Variants in KLHL15 observed in about 807,000 individuals in gnomAD.
KLHL15 encodes kelch-like protein 15.
In KLHL15, 1 loss-of-function variant was observed where a neutral mutation model predicts 29.3. The observed-to-expected ratio is 0.03, with a 90% CI of 0.01 to 0.16. KLHL15 has a LOEUF of 0.16. Among genes scored for constraint, KLHL15 ranks in the 10% least tolerant of loss-of-function variants. The pLI is 1.00. For missense variants in KLHL15, 215 were observed against 478.5 expected, an observed-to-expected ratio of 0.45 and a Z score of 5.14; for synonymous variants, 212 against 184.5, an observed-to-expected ratio of 1.15 and a Z score of -1.21.
intron 2 of KLHL15, among the ~76,000 whole-genome samples, chrX:24,018,539 G>A (rs1216157157): frequency 9.1e-6 from 1 of 109,537 alleles, no homozygotes; most frequent in African/African-American, 3.3e-5. Flanking sequence ...TCATAAACTT[G>A]GTACTGACTA....
chrX:24,002,736 C>T lies in KLHL15; in HGVS notation c.705+3253G>A, dbSNP rs1248656181. On this transcript the variant is annotated intron_variant, in intron 3 of 3. Transcript: ENST00000328046. ...TCGACCTCCTGGGCTCAAGCAATCCCTCCCACCTCAAACTCCCCAGTAGCT... is the reference window on the plus strand; with the variant it reads ...TCGACCTCCTGGGCTCAAGCAATCCTTCCCACCTCAAACTCCCCAGTAGCT... Among the ~76,000 whole-genome samples, 6 of 110,420 alleles carry T rather than the reference C, an allele frequency of 5.4e-5. No individual in the cohort carries two copies. In the Admixed American group the frequency reaches 5.8e-4, roughly 11 times the overall value.
At chrX:24,017,739 C>T (rs991025429) in intron 2 of KLHL15, among the ~76,000 whole-genome samples, 3 of 98,233 alleles carry the variant, frequency 3.1e-5, no homozygotes, top group Non-Finnish European at 6.0e-5. Flanking sequence ...TATAATCCAC[C>T]ACTGAACTTC....
intron 2 of KLHL15, among the ~76,000 whole-genome samples, chrX:24,023,807 T>C (rs1298290386): frequency 8.9e-6 from 1 of 112,353 alleles, no homozygotes; most frequent in East Asian, 2.8e-4. Context: ...CATTAAGTGC[T>C]AAAAAGTTGA....
At position 24,020,319 on chromosome X, in the gene KLHL15, T is replaced by C. The variant is rs749828629; in HGVS notation, c.-8+4538A>G. 2.7e-5 allele frequency among the ~76,000 whole-genome samples: 3 copies of C among 112,589 alleles called. No individual in the cohort carries two copies. The East Asian group carries it at 8.3e-4, about 31-fold the overall frequency. On this transcript the variant is annotated intron_variant, in intron 2 of 3. Transcript: ENST00000328046. ...AATTTAAAGACAGACTTTTAAGCTC[T>C]ATTAGCGGTCACTTTACTCTCAATA...
intron 3 of KLHL15, among the ~76,000 whole-genome samples, chrX:23,991,073 C>G (rs2147096953): frequency 9.1e-6 from 1 of 110,179 alleles, no homozygotes; most frequent in South Asian, 3.9e-4. Flanking sequence ...CTAACATTGG[C>G]CAGGCACGGT....
At chrX:23,990,713 G>T (rs1929064615) in intron 3 of KLHL15, among the ~76,000 whole-genome samples, 1 of 110,529 alleles carries the variant, frequency 9.0e-6, no homozygotes, top group Non-Finnish European at 1.9e-5. Flanking sequence ...TTGGAAATCT[G>T]GGATGACAGT....
At chrX:24,000,012 C>A (rs756156555) in intron 3 of KLHL15, among the ~76,000 whole-genome samples, 3 of 111,826 alleles carry the variant, frequency 2.7e-5, no homozygotes, top group Non-Finnish European at 3.8e-5. Context: ...TAACAGAAAA[C>A]CTGCTCATCT....
chrX:24,011,969 C>T (rs947890582), intron 2 of KLHL15, among the ~76,000 whole-genome samples: 24 of 111,957 alleles, frequency 2.1e-4, no homozygotes, highest in African/African-American at 6.5e-4. Flanking sequence ...GCCAACATGG[C>T]AAAACCTTGT....
chrX:23,995,263 C>T (rs749269729), intron 3 of KLHL15, among the ~76,000 whole-genome samples: 63 of 109,970 alleles, frequency 5.7e-4, no homozygotes, highest in Non-Finnish European at 1.1e-3. Context: ...AAAAATTATC[C>T]GGGCATGTTG....
intron 3 of KLHL15, among the ~76,000 whole-genome samples, chrX:24,001,848 T>C (rs1929327737): frequency 2.8e-5 from 2 of 72,007 alleles, no homozygotes; most frequent in African/African-American, 1.0e-4. Flanking sequence ...AAAATATATA[T>C]ATAGGTCGGG....
intron 3 of KLHL15, among the ~76,000 whole-genome samples, chrX:23,990,764 T>C (rs1291966654): frequency 3.6e-5 from 4 of 110,405 alleles, no homozygotes; most frequent in Non-Finnish European, 7.6e-5. Context: ...ATTTATGAGC[T>C]TCCTCCCCCC....
chrX:24,018,471 C>G (rs1300435348), intron 2 of KLHL15, among the ~76,000 whole-genome samples: 7 of 109,184 alleles, frequency 6.4e-5, no homozygotes, highest in Non-Finnish European at 1.3e-4. Context: ...CCAATTAGAC[C>G]AAATGACAAG....
At chrX:24,014,220 C>A (rs1311357014) in intron 2 of KLHL15, among the ~76,000 whole-genome samples, 1 of 111,678 alleles carries the variant, frequency 9.0e-6, no homozygotes, top group Admixed American at 9.6e-5. Flanking sequence ...CCAGCCTGGG[C>A]AGTAGAACAA....
At chrX:24,017,368 C>A (rs12843894) in intron 2 of KLHL15, among the ~76,000 whole-genome samples, 4 of 110,783 alleles carry the variant, frequency 3.6e-5, no homozygotes, top group Non-Finnish European at 7.6e-5. Context: ...TACTAATAAT[C>A]ATCATCATCT....
At chrX:24,007,502 A>C (rs1184596532) in intron 2 of KLHL15, among the ~76,000 whole-genome samples, 1 of 55,344 alleles carries the variant, frequency 1.8e-5, no homozygotes, top group Non-Finnish European at 2.9e-5. Context: ...AAAAAAAAAA[A>C]AAAAAAATAT....
rs752248981 is a variant in KLHL15 at position 24,015,936 on chromosome X, T to G, written c.-8+8921A>C. On this transcript the variant is annotated intron_variant, in intron 2 of 3. Coordinates refer to ENST00000328046, the MANE Select transcript of KLHL15 (RefSeq NM_030624.3). ...ATCGCTTGAACCTGGGAGGCGGAGG[T>G]TGCAGTAAGCCGAGATCGGGCCGCT... is the stretch of plus-strand genomic sequence containing the variant. 2.7e-5 allele frequency among the ~76,000 whole-genome samples: 3 copies of G among 109,780 alleles called. No homozygotes were observed. In the South Asian group the frequency reaches 1.2e-3, roughly 42 times the overall value.
rs1177959044 is a variant in KLHL15, at chrX:23,998,124, G to A, written c.705+7865C>T. Among the ~76,000 whole-genome samples, 4 of 110,454 alleles carry A rather than the reference G, an allele frequency of 3.6e-5. No individual in the cohort carries two copies. The East Asian group carries it at 1.1e-3, about 32-fold the overall frequency. ...TTACAGGCACGCACCACCATGGCCT[G>A]GCTAATTTTTGTATTTTTAGTAGAG... On this transcript the variant is annotated intron_variant, in intron 3 of 3. Transcript: ENST00000328046.
chrX:23,989,191 ATCT>A (rs1170120280), intron 3 of KLHL15, among the ~76,000 whole-genome samples, 161 bp from the exon 4 acceptor site: 1 of 108,892 alleles, frequency 9.2e-6, no homozygotes. Context: ...CTTTTAAAAA[ATCT>A]TTTTTTTTTT....
rs1162941146 is a variant in KLHL15, at chrX:24,017,898, T to G, written c.-8+6959A>C. 5.4e-5 allele frequency among the ~76,000 whole-genome samples: 6 copies of G among 110,549 alleles called. No homozygotes were observed. In the East Asian group the frequency reaches 1.7e-3, roughly 31 times the overall value. ...AAGGCACGAGGATCACTTGATCCAG[T>G]TCAAGACCAGCCTGGGCAATGTGGC... On this transcript the variant is annotated intron_variant, in intron 2 of 3. Transcript: ENST00000328046.
Sources: allele counts gnomAD v4.1 joint callset (sites outside exome capture counted in the v4.1 genomes callset), GRCh38; gene constraint gnomAD v4.1.1; transcripts MANE v1.5; gene names NCBI Gene and HGNC (gene_info 2026-07-23, HGNC 2026-07-21).